The following PDHX variants were observed in gnomAD, a reference collection of about 807,000 sequenced individuals.
The protein encoded by PDHX is pyruvate dehydrogenase protein X component, mitochondrial.
In PDHX, 33 loss-of-function variants were observed where a neutral mutation model predicts 55.3. The observed-to-expected ratio is 0.60, with a 90% CI of 0.45 to 0.80. The LOEUF is 0.80. Ranked by LOEUF, PDHX falls within the 30% of genes least tolerant of loss-of-function variation. The pLI is 0.00. For missense variants in PDHX, 622 were observed against 619.9 expected (o/e 1.00, Z -0.04); for synonymous variants, 226 against 219.4 (o/e 1.03, Z -0.27).
intron 6 of PDHX, 78 bp from the exon 7 acceptor site, chr11:34,970,061 T>C: frequency 8.2e-7 from 1 of 1,221,072 alleles, no homozygotes; most frequent in Non-Finnish European, 1.2e-6. Context: ...TTTCTTTTCA[T>C]TTATAAAGTT....
chr11:34,952,481 GC>G, intron 3 of PDHX, among the ~76,000 whole-genome samples: 1 of 151,766 alleles, frequency 6.6e-6, no homozygotes. Context: ...ACATCAAAAA[GC>G]TTATCCACCA....
At chr11:34,918,262 C>T (rs976487307) in intron 1 of PDHX, among the ~76,000 whole-genome samples, 4 of 148,584 alleles carry the variant, frequency 2.7e-5, no homozygotes, top group Non-Finnish European at 6.0e-5. Flanking sequence ...CAAAGTGAGA[C>T]CCCCGTCTCT....
At chr11:34,915,938 G>A (rs887127296), upstream of PDHX, 3 of 522,580 alleles carry the variant, frequency 5.7e-6, no homozygotes, top group Non-Finnish European at 1.0e-5. Flanking sequence ...ATAAATACCC[G>A]GTGAGGTCAC....
At chr11:34,955,483 A>G (rs1854883807) in intron 3 of PDHX, among the ~76,000 whole-genome samples, 1 of 152,162 alleles carries the variant, frequency 6.6e-6, no homozygotes, top group African/African-American at 2.4e-5. Context: ...CTTCTGTTAT[A>G]TATTCAAGTT....
chr11:34,934,461 A>C (rs1036357927), intron 2 of PDHX, among the ~76,000 whole-genome samples: 1 of 152,160 alleles, frequency 6.6e-6, no homozygotes, highest in Non-Finnish European at 1.5e-5. Flanking sequence ...TATAGCATAC[A>C]AGAGATTTGA....
chr11:34,978,912 T>G (rs947595097), intron 8 of PDHX, among the ~76,000 whole-genome samples: 6 of 152,094 alleles, frequency 3.9e-5, no homozygotes, highest in Non-Finnish European at 8.8e-5. Flanking sequence ...GTGATCTGAC[T>G]TATACTTCAG....
intron 2 of PDHX, among the ~76,000 whole-genome samples, chr11:34,939,010 A>G (rs1383643191): frequency 6.6e-6 from 1 of 152,232 alleles, no homozygotes; most frequent in Non-Finnish European, 1.5e-5. Flanking sequence ...TTTGAAGCTC[A>G]TCACCTTTGT....
intron 9 of PDHX, among the ~76,000 whole-genome samples, chr11:34,988,017 A>G (rs1821081431): frequency 6.6e-6 from 1 of 152,200 alleles, no homozygotes; most frequent in South Asian, 2.1e-4. Context: ...TCTCGTCAGT[A>G]TTTCTACATC....
intron 2 of PDHX, among the ~76,000 whole-genome samples, chr11:34,940,429 A>G (rs775237270): frequency 7.9e-5 from 12 of 152,202 alleles, no homozygotes; most frequent in Non-Finnish European, 1.5e-4. Flanking sequence ...GGATTCTACT[A>G]TAGAAGACAC....
At chr11:34,946,049 C>T (rs1401704159) in intron 2 of PDHX, among the ~76,000 whole-genome samples, 1 of 152,194 alleles carries the variant, frequency 6.6e-6, no homozygotes, top group East Asian at 1.9e-4. Context: ...GTCTTTGTCA[C>T]TTAACTGCTC....
intron 5 of PDHX, among the ~76,000 whole-genome samples, chr11:34,965,033 C>A (rs1311882055): frequency 6.6e-6 from 1 of 152,072 alleles, no homozygotes; most frequent in Non-Finnish European, 1.5e-5. Flanking sequence ...TCTATTATTG[C>A]ATAACAAGTT....
intron 8 of PDHX, among the ~76,000 whole-genome samples, chr11:34,979,726 C>T (rs959842560): frequency 2.6e-5 from 4 of 151,980 alleles, no homozygotes; most frequent in Non-Finnish European, 5.9e-5. Flanking sequence ...CATTTTTGCA[C>T]TCCTTAAATA....
intron 3 of PDHX, 92 bp from the exon 4 acceptor site, chr11:34,957,292 T>C (rs1046204320): frequency 3.5e-5 from 32 of 902,540 alleles, no homozygotes; most frequent in Middle Eastern, 2.7e-4. Context: ...AATTAAGATA[T>C]CTTAAGGGGA....
chr11:34,919,090 C>T (rs1232560700), intron 1 of PDHX, among the ~76,000 whole-genome samples: 1 of 152,128 alleles, frequency 6.6e-6, no homozygotes, highest in African/African-American at 2.4e-5. Flanking sequence ...GGACGTGAAC[C>T]TTTTGAGGCA....
At chr11:34,967,903 T>C (rs1202629557) in intron 6 of PDHX, among the ~76,000 whole-genome samples, 1 of 152,200 alleles carries the variant, frequency 6.6e-6, no homozygotes, top group Non-Finnish European at 1.5e-5. Context: ...ATTGAGTGTA[T>C]AGTCCACTCT....
chr11:34,977,904 A>G (rs533352570), intron 7 of PDHX: 1 of 584,212 alleles, frequency 1.7e-6, no homozygotes, highest in South Asian at 1.6e-5. Flanking sequence ...ACCAAGGCCC[A>G]GAAGTAAACT....
rs548016660 is a variant in PDHX, at chr11:34,940,437, C to T, written c.242-7069C>T. 5.9e-5 allele frequency among the ~76,000 whole-genome samples: 9 copies of T among 152,266 alleles called. 1 individual carries two copies. The highest frequency in any genetic ancestry group is 2.2e-4 in the African/African-American group (9 of 41,552). ...GGTCTCTGGATTCTACTATAGAAGA[C>T]ACTTTGGTTCCGTTATTTCTGGCAA... is the stretch of plus-strand genomic sequence containing the variant. On this transcript the variant is annotated intron_variant, in intron 2 of 10. Transcript: ENST00000227868.
At chr11:34,953,096 T>C (rs1286933370) in intron 3 of PDHX, among the ~76,000 whole-genome samples, 3 of 152,072 alleles carry the variant, frequency 2.0e-5, no homozygotes, top group Non-Finnish European at 4.4e-5. Context: ...TCACAATTGC[T>C]TCAAAGAGAA....
intron 2 of PDHX, among the ~76,000 whole-genome samples, chr11:34,941,425 G>A (rs1006211565): frequency 1.2e-4 from 18 of 152,192 alleles, no homozygotes; most frequent in Admixed American, 3.3e-4. Context: ...GTCGCACACA[G>A]TGTCATTCAC....
Sources: gnomAD v4.1 joint callset for allele counts (sites outside exome capture counted in the v4.1 genomes callset) on GRCh38, gnomAD v4.1.1 for gene constraint, MANE v1.5 for transcripts, NCBI Gene and HGNC (gene_info 2026-07-23, HGNC 2026-07-21) for gene names.